The following CHL1 variants were observed in gnomAD, a reference collection of about 807,000 sequenced individuals.
CHL1 encodes cell adhesion molecule L1 like.
A neutral mutation model predicts 141.9 loss-of-function variants in CHL1; 96 were observed. The observed-to-expected ratio is 0.68, with a 90% CI of 0.57 to 0.80. CHL1 has a LOEUF of 0.80. Ranked by LOEUF, CHL1 falls within the 30% of genes least tolerant of loss-of-function variation. The pLI is 0.00. For synonymous variants in CHL1, 613 were observed against 502.2 expected (o/e 1.22, Z -2.95); for missense variants, 1,820 against 1,457.2 (o/e 1.25, Z -4.05).
chr3:197,848 C>G (rs777247619), intron 1 of CHL1: 1 of 448,894 alleles, frequency 2.2e-6, no homozygotes, highest in Non-Finnish European at 4.4e-6. Context: ...CCTTCTTCCT[C>G]TTTGTGCCTC....
chr3:314,304 T>TCTCC (rs1228835340), intron 2 of CHL1, among the ~76,000 whole-genome samples: 10 of 119,224 alleles, frequency 8.4e-5, no homozygotes, highest in Non-Finnish European at 1.5e-4. Flanking sequence ...TTGCACTCTC[T>TCTCC]CTCTTTCTCT....
chr3:234,425 G>T (rs1446216482), intron 1 of CHL1, among the ~76,000 whole-genome samples: 2 of 152,004 alleles, frequency 1.3e-5, no homozygotes, highest in Non-Finnish European at 2.9e-5. Flanking sequence ...TGTCTCCCAA[G>T]GTTCACTGCA....
At chr3:341,857 A>G (rs758185154) in intron 6 of CHL1, 55 bp from the exon 7 acceptor site, 26 of 1,349,860 alleles carry the variant, frequency 1.9e-5, no homozygotes, top group Admixed American at 7.2e-5. Flanking sequence ...AAAAAGGAAG[A>G]TGAAGCACAG....
rs552605010 is a variant in CHL1, at chr3:344,777, A to G, written c.848+68A>G. Reference sequence around the variant, plus strand: ...CTGTAAAGAATAAGACATCAAGCACATTAAGACTGTGCTTGCAAAGATATT... The same window carrying G: ...CTGTAAAGAATAAGACATCAAGCACGTTAAGACTGTGCTTGCAAAGATATT... On this transcript the variant is annotated intron_variant, in intron 9 of 27. Transcript: ENST00000256509. 1.1e-5 allele frequency: 15 copies of G among 1,425,928 alleles called. No individual in the cohort carries two copies. The African/African-American group carries it at 2.0e-4, about 19-fold the overall frequency. 88.3% of individuals were successfully genotyped at this position (1,425,928 alleles called of 1,614,324 possible). A position where few individuals can be genotyped will look rare whatever the true frequency, so the allele number is the denominator to read the frequency against.
intron 1 of CHL1, among the ~76,000 whole-genome samples, chr3:207,085 A>T (rs1699508879): frequency 6.6e-6 from 1 of 152,254 alleles, no homozygotes; most frequent in African/African-American, 2.4e-5. Flanking sequence ...TTAGAAGAAA[A>T]AAAGGCAACT....
At chr3:309,671 G>A (rs1699589654) in intron 2 of CHL1, among the ~76,000 whole-genome samples, 1 of 151,906 alleles carries the variant, frequency 6.6e-6, no homozygotes, top group African/African-American at 2.4e-5. Flanking sequence ...CCTATGCCTT[G>A]CTAATTTAAA....
chr3:377,133 G>A (rs1475483783), intron 15 of CHL1, among the ~76,000 whole-genome samples: 7 of 152,110 alleles, frequency 4.6e-5, no homozygotes, highest in Admixed American at 1.3e-4. Context: ...ACAATGGTAC[G>A]GGGTAAAAGG....
chr3:278,913 A>T (rs978261828), intron 2 of CHL1, among the ~76,000 whole-genome samples: 1 of 152,204 alleles, frequency 6.6e-6, no homozygotes, highest in African/African-American at 2.4e-5. Flanking sequence ...TCCAGGAAGC[A>T]TGAGTTTCAG....
rs566249775 is a variant in CHL1, at chr3:406,040, T to A, written c.*329T>A. 5.4e-5 allele frequency: 13 copies of A among 242,896 alleles called. No homozygotes were observed. The highest frequency in any genetic ancestry group is 3.0e-4 in the African/African-American group (13 of 43,702). The allele number at this position is 242,896 out of a possible 1,614,324, so 15.0% of individuals were successfully genotyped here. A position where few individuals can be genotyped will look rare whatever the true frequency, so the allele number is the denominator to read the frequency against. On this transcript the variant is annotated 3_prime_UTR_variant, in exon 28 of 28. Transcript: ENST00000256509. ...GCCTGATTTTACTATTCGGTGTGTT[T>A]GCATAGATGTTGCTACTTGGTGGGT...
At chr3:391,642 A>G in intron 22 of CHL1, 33 bp from the exon 23 acceptor site, 1 of 1,524,918 alleles carries the variant, frequency 6.6e-7, no homozygotes, top group Non-Finnish European at 8.9e-7. Flanking sequence ...TTTCTAATTG[A>G]TGTGAGTTTA....
rs777832781 is a variant in CHL1, at chr3:365,966, A to T, written c.1602A>T (p.Arg534Ser). 6.2e-7 allele frequency: 1 copy of T among 1,613,088 alleles called. No individual in the cohort carries two copies. Among genetic ancestry groups the T allele is most frequent in the Non-Finnish European group, 8.5e-7 (1 of 1,179,362 alleles). ...NLDIRNATKLRVSPKNPRIPK... is the reference protein window; with the variant it reads ...NLDIRNATKLSVSPKNPRIPK... ...TAAAAACAGATGCTACAAAACTTAGAGTTTCTCCTAAGAATCCTCGTATCC... is the reference window on the plus strand; with the variant it reads ...TAAAAACAGATGCTACAAAACTTAGTGTTTCTCCTAAGAATCCTCGTATCC... Residue 534 changes from arginine to serine, a missense_variant, in exon 15 of 28, where the codon AGA (arginine) becomes AGT (serine). By Grantham distance (110) the Arg-to-Ser change is moderately radical. Coordinates refer to ENST00000256509, the MANE Select transcript of CHL1 (RefSeq NM_006614.4).
At chr3:378,840 A>G (rs899935963) in intron 16 of CHL1, among the ~76,000 whole-genome samples, 1 of 152,034 alleles carries the variant, frequency 6.6e-6, no homozygotes, top group African/African-American at 2.4e-5. Context: ...TCTCTCTCAC[A>G]CCCAACCTAC....
At chr3:264,184 G>A (rs759097767) in intron 2 of CHL1, among the ~76,000 whole-genome samples, 7 of 152,224 alleles carry the variant, frequency 4.6e-5, no homozygotes, top group Non-Finnish European at 8.8e-5. Context: ...TAAACTCACT[G>A]TCACATGAAT....
At chr3:335,532 T>C (rs1445036694) in intron 5 of CHL1, among the ~76,000 whole-genome samples, 1 of 152,198 alleles carries the variant, frequency 6.6e-6, no homozygotes, top group Admixed American at 6.5e-5. Context: ...GTGACAATGA[T>C]GGCAGACTGT....
intron 14 of CHL1, among the ~76,000 whole-genome samples, chr3:365,327 T>G (rs542651445): frequency 6.3e-4 from 96 of 152,312 alleles, no homozygotes; most frequent in African/African-American, 2.2e-3. Flanking sequence ...AACTACAAAT[T>G]TATTTTTGTT....
At chr3:251,002 A>G (rs1471623915) in intron 2 of CHL1, among the ~76,000 whole-genome samples, 1 of 152,156 alleles carries the variant, frequency 6.6e-6, no homozygotes, top group African/African-American at 2.4e-5. Context: ...GAAGCTTATA[A>G]TCTTATAAAG....
chr3:382,459 T>C lies in CHL1; in HGVS notation c.1979-15T>C, dbSNP rs762328432. 41 of 1,605,412 alleles carry C rather than the reference T, an allele frequency of 2.6e-5. No homozygotes were observed. In the South Asian group the frequency reaches 4.4e-4, roughly 17 times the overall value. The stretch of plus-strand genomic sequence containing the variant: ...TCCATACATTCTAATATTTTTTCCC[T>C]GTTTATACTACCAGAGTATATTGTT... On this transcript the variant is annotated splice_polypyrimidine_tract_variant and intron_variant, in intron 17 of 27. Coordinates refer to ENST00000256509, the MANE Select transcript of CHL1 (RefSeq NM_006614.4).
At chr3:270,315 A>T (rs1695530123) in intron 2 of CHL1, among the ~76,000 whole-genome samples, 1 of 152,202 alleles carries the variant, frequency 6.6e-6, no homozygotes. Flanking sequence ...TAAACCAGTT[A>T]CAGCTGGATT....
At chr3:255,459 G>C (rs1480835030) in intron 2 of CHL1, among the ~76,000 whole-genome samples, 2 of 151,310 alleles carry the variant, frequency 1.3e-5, no homozygotes, top group Non-Finnish European at 2.9e-5. Context: ...TCACAGAGAG[G>C]CTCAGATACA....
Sources: gnomAD v4.1 joint callset for allele counts (sites outside exome capture counted in the v4.1 genomes callset) on GRCh38, gnomAD v4.1.1 for gene constraint, MANE v1.5 for transcripts, NCBI Gene and HGNC (gene_info 2026-07-23, HGNC 2026-07-21) for gene names.